Variants in MAN2A1 observed in about 807,000 individuals in gnomAD.
The protein encoded by MAN2A1 is mannosidase alpha class 2A member 1, also known as alpha-mannosidase 2.
Under a neutral mutation model 142.6 loss-of-function variants are expected in MAN2A1, and 76 were observed. The ratio of observed to expected loss-of-function variants is 0.53; its 90% CI spans 0.44 to 0.65. MAN2A1 has a LOEUF of 0.65. Ranked by LOEUF, MAN2A1 falls within the 30% of genes least tolerant of loss-of-function variation. The pLI is 0.00. For missense variants in MAN2A1, 1,311 were observed against 1,365.1 expected, an observed-to-expected ratio of 0.96 and a Z score of 0.62; for synonymous variants, 559 against 473.2, an observed-to-expected ratio of 1.18 and a Z score of -2.35.
At chr5:109,811,230 A>G (rs1754308319) in intron 12 of MAN2A1, among the ~76,000 whole-genome samples, 2 of 152,066 alleles carry the variant, frequency 1.3e-5, no homozygotes, top group Admixed American at 6.6e-5. Flanking sequence ...TGCATCTAGT[A>G]ACCATTTGTC....
At chr5:109,723,420 G>A (rs899659522) in intron 3 of MAN2A1, among the ~76,000 whole-genome samples, 9 of 152,180 alleles carry the variant, frequency 5.9e-5, no homozygotes, top group Non-Finnish European at 8.8e-5. Context: ...ATCTGTGACT[G>A]TCTTCTTACC....
At chr5:109,759,934 A>C (rs1752792560) in intron 5 of MAN2A1, among the ~76,000 whole-genome samples, 1 of 122,340 alleles carries the variant, frequency 8.2e-6, no homozygotes, top group Non-Finnish European at 1.6e-5. Context: ...CATTCTTTTT[A>C]TTTGAATTGT....
At chr5:109,751,808 T>C (rs1489073717) in intron 4 of MAN2A1, among the ~76,000 whole-genome samples, 1 of 152,038 alleles carries the variant, frequency 6.6e-6, no homozygotes, top group Non-Finnish European at 1.5e-5. Flanking sequence ...TATCTCCATT[T>C]CTCTTATATT....
At chr5:109,864,911 T>G in intron 20 of MAN2A1, 125 bp from the exon 21 acceptor site, 1 of 689,952 alleles carries the variant, frequency 1.4e-6, no homozygotes, top group Non-Finnish European at 2.6e-6. Flanking sequence ...GAGAAATGAA[T>G]TTGCCTAACT....
At chr5:109,718,168 G>A (rs528449317) in intron 3 of MAN2A1, among the ~76,000 whole-genome samples, 40 of 152,348 alleles carry the variant, frequency 2.6e-4, no homozygotes, top group Admixed American at 2.6e-3. Flanking sequence ...AGAGTGATGT[G>A]ATTCCATAGT....
At position 109,836,115 on chromosome 5, in the gene MAN2A1, A is replaced by G. The variant is rs145407912; in HGVS notation, c.2567-6213A>G. Among the ~76,000 whole-genome samples the G allele has an allele frequency of 5.1e-3, 760 of 147,896 alleles. 7 individuals are homozygous for G. The highest frequency in any genetic ancestry group is 0.018 in the African/African-American group (715 of 40,008). On this transcript the variant is annotated intron_variant, in intron 16 of 21. Transcript: ENST00000261483. ...AATAACAATAATAATAATTATTGTT[A>G]TTATTATTTTTGCGATGGAGTCCCA... is the stretch of plus-strand genomic sequence containing the variant.
In MAN2A1 at chr5:109,694,222, G is replaced by A. The variant is rs570513321; in HGVS notation, c.135+3670G>A. On this transcript the variant is annotated intron_variant, in intron 1 of 21. Coordinates refer to ENST00000261483, the MANE Select transcript of MAN2A1 (RefSeq NM_002372.4). ...GGAAATTGAGACTCCGATGGAAAATGTGAAAGTGAAGTTAAAACTTTATCT... is the reference window on the plus strand; with the variant it reads ...GGAAATTGAGACTCCGATGGAAAATATGAAAGTGAAGTTAAAACTTTATCT... Among the ~76,000 whole-genome samples, 8 of 152,320 alleles carry A rather than the reference G, an allele frequency of 5.3e-5. No individual in the cohort carries two copies. In the East Asian group the frequency reaches 1.5e-3, roughly 29 times the overall value.
At chr5:109,768,735 A>G (rs949202534) in intron 6 of MAN2A1, among the ~76,000 whole-genome samples, 1 of 152,194 alleles carries the variant, frequency 6.6e-6, no homozygotes, top group African/African-American at 2.4e-5. Flanking sequence ...AGCATTAGCT[A>G]TACAGTTTCT....
intron 7 of MAN2A1, among the ~76,000 whole-genome samples, chr5:109,774,209 C>G (rs1310547034): frequency 6.6e-6 from 1 of 152,044 alleles, no homozygotes; most frequent in Non-Finnish European, 1.5e-5. Flanking sequence ...TGGCAGGTGA[C>G]AAGTGTGTGG....
At chr5:109,838,252 A>G (rs1051303735) in intron 16 of MAN2A1, among the ~76,000 whole-genome samples, 7 of 152,092 alleles carry the variant, frequency 4.6e-5, no homozygotes, top group African/African-American at 1.7e-4. Flanking sequence ...CTCTCTTCCA[A>G]GGGGGAGAGA....
intron 16 of MAN2A1, among the ~76,000 whole-genome samples, chr5:109,829,788 G>A (rs1446400400): frequency 6.6e-6 from 1 of 152,202 alleles, no homozygotes; most frequent in Non-Finnish European, 1.5e-5. Flanking sequence ...TTTTCAGTCA[G>A]AATTGTATAA....
chr5:109,737,628 T>C (rs1258251629), intron 4 of MAN2A1, among the ~76,000 whole-genome samples: 1 of 152,126 alleles, frequency 6.6e-6, no homozygotes, highest in Non-Finnish European at 1.5e-5. Context: ...TTAAAAATAA[T>C]GTTATGCAAA....
chr5:109,860,414 A>T (rs1309218956), intron 20 of MAN2A1, among the ~76,000 whole-genome samples: 1 of 152,120 alleles, frequency 6.6e-6, no homozygotes, highest in Admixed American at 6.6e-5. Flanking sequence ...TGCACTAGGG[A>T]TGAGTGTTAG....
intron 17 of MAN2A1, among the ~76,000 whole-genome samples, chr5:109,844,097 A>G (rs1200650459): frequency 6.6e-6 from 1 of 152,138 alleles, no homozygotes; most frequent in Non-Finnish European, 1.5e-5. Context: ...ATGGTGATTC[A>G]TTTTTTTATG....
intron 4 of MAN2A1, among the ~76,000 whole-genome samples, chr5:109,749,288 C>T (rs1022374413): frequency 2.0e-5 from 3 of 152,146 alleles, no homozygotes; most frequent in African/African-American, 7.2e-5. Flanking sequence ...GAAAAAGTGA[C>T]ACTCAGAGAA....
At position 109,770,513 on chromosome 5, in the gene MAN2A1, A is replaced by G. The variant is rs71575308; in HGVS notation, c.1168A>G (p.Thr390Ala). The G allele has an allele frequency of 4.3e-6, 7 of 1,613,754 alleles. No individual in the cohort carries two copies. In the South Asian group the frequency reaches 5.5e-5, roughly 13 times the overall value. ...FGCPWGVPPE[T>A]IHPGNVQSRA... ...TTGTCCCTGGGGAGTCCCCCCAGAAACAATACATCCTGGAAATGTCCAAAG... is the reference window on the plus strand; with the variant it reads ...TTGTCCCTGGGGAGTCCCCCCAGAAGCAATACATCCTGGAAATGTCCAAAG... Residue 390 changes from threonine (T) to alanine (A), a missense_variant, in exon 7 of 22, where the codon ACA (threonine) becomes GCA (alanine). By Grantham distance (58) the Thr-to-Ala change is moderately conservative (BLOSUM62 0). Around this residue, in one of 3 missense-constraint regions of MAN2A1, gnomAD observed 890 missense variants for 920.5 expected, o/e 0.97. Transcript: ENST00000261483.
In MAN2A1 at chr5:109,855,047, A is replaced by G. The variant is rs537085824; in HGVS notation, c.2977-93A>G. ...AATGTAATGAAACCAAATTATTCAT[A>G]TATTTTTATATTAAACCCTCTCAGA... On this transcript the variant is annotated intron_variant, in intron 19 of 21. Coordinates refer to ENST00000261483, the MANE Select transcript of MAN2A1 (RefSeq NM_002372.4). 9 of 568,440 alleles carry G rather than the reference A, an allele frequency of 1.6e-5. No homozygotes were observed. The South Asian group carries it at 4.4e-4, about 28-fold the overall frequency. 35.2% of individuals were successfully genotyped at this position (568,440 alleles called of 1,614,324 possible).
intron 4 of MAN2A1, among the ~76,000 whole-genome samples, chr5:109,754,893 C>T (rs1213226723): frequency 1.3e-5 from 2 of 152,104 alleles, no homozygotes; most frequent in Admixed American, 6.5e-5. Context: ...CCCGGTTACT[C>T]GGGAGGCTGA....
chr5:109,866,389 C>T (rs1212654510), intron 21 of MAN2A1, among the ~76,000 whole-genome samples: 4 of 151,894 alleles, frequency 2.6e-5, no homozygotes, highest in Admixed American at 2.6e-4. Flanking sequence ...TCTCTCTTAA[C>T]TCTGTTGGAA....
Sources: allele counts gnomAD v4.1 joint callset (sites outside exome capture counted in the v4.1 genomes callset), GRCh38; gene constraint gnomAD v4.1.1; regional missense constraint gnomAD v4.1.1; transcripts MANE v1.5; gene names NCBI Gene and HGNC (gene_info 2026-07-23, HGNC 2026-07-21).